Variants in CD163L1 observed in about 807,000 individuals in gnomAD.
The protein encoded by CD163L1 is CD163 molecule like 1.
A neutral mutation model predicts 165.4 loss-of-function variants in CD163L1; 124 were observed. The observed-to-expected ratio is 0.75, with a 90% CI of 0.65 to 0.87. The LOEUF (loss-of-function observed/expected upper bound fraction) is 0.87, where lower values mean the gene tolerates loss of function less well. Ranked by LOEUF, CD163L1 falls within the 40% of genes least tolerant of loss-of-function variation. The pLI is 0.00. For missense variants in CD163L1, 1,525 were observed against 1,799.9 expected (o/e 0.85, Z 2.76); for synonymous variants, 585 against 662.2 (o/e 0.88, Z 1.79).
chr12:7,341,729 T>C (rs763859461), downstream of CD163L1, among the ~76,000 whole-genome samples: 32 of 152,230 alleles, frequency 2.1e-4, no homozygotes, highest in African/African-American at 7.2e-4. Context: ...CCATTACTAT[T>C]TGTGAAAGTG....
downstream of CD163L1, among the ~76,000 whole-genome samples, chr12:7,352,141 T>C (rs551486763): frequency 3.3e-5 from 5 of 152,094 alleles, no homozygotes; most frequent in Non-Finnish European, 7.4e-5. Context: ...AAGTGAGAGA[T>C]GACAGAATGA....
rs760684055 is a variant in CD163L1 at position 7,382,483 on chromosome 12, A to G, written c.2051-3185T>C. ...CACAGAGAGAGAAAGAAGTGAAGCA[A>G]TTGTCTGGCTAGGATTGACTGGAAG... On this transcript the variant is annotated intron_variant, in intron 8 of 19. Transcript: ENST00000313599. 5.3e-5 allele frequency among the ~76,000 whole-genome samples: 8 copies of G among 152,266 alleles called. No individual in the cohort carries two copies. In the South Asian group the frequency reaches 1.2e-3, roughly 24 times the overall value.
chr12:7,323,890 T>C, the CD163L1 span, among the ~76,000 whole-genome samples: 1 of 152,138 alleles, frequency 6.6e-6, no homozygotes, highest in Non-Finnish European at 1.5e-5. Flanking sequence ...AAAAATTTAA[T>C]TTCCAGCCAG....
At chr12:7,435,406 G>T in intron 2 of CD163L1, among the ~76,000 whole-genome samples, 1 of 151,318 alleles carries the variant, frequency 6.6e-6, no homozygotes, top group South Asian at 2.1e-4. Context: ...AGCAAAATGG[G>T]CAAATGAGTT....
At chr12:7,414,053 A>C (rs1948189973) in intron 4 of CD163L1, among the ~76,000 whole-genome samples, 1 of 152,172 alleles carries the variant, frequency 6.6e-6, no homozygotes, top group South Asian at 2.1e-4. Context: ...GGCTTCAAAA[A>C]ACACAATGAA....
intron 2 of CD163L1, among the ~76,000 whole-genome samples, chr12:7,434,466 C>T (rs1321851402): frequency 6.6e-6 from 1 of 152,010 alleles, no homozygotes; most frequent in African/African-American, 2.4e-5. Context: ...TACTTGTAAG[C>T]CAAAATTTTG....
In CD163L1 at chr12:7,373,457, G is replaced by C. The variant is rs374489185; in HGVS notation, c.3593C>G (p.Ser1198Cys). The C allele has an allele frequency of 1.4e-4, 224 of 1,614,178 alleles. No homozygotes were observed. In the Middle Eastern group the frequency reaches 1.5e-3, roughly 11 times the overall value. ...ENGVVSLAPL[S>C]KTGSGFMWVD... is the part of the protein sequence containing the mutation. The stretch of plus-strand genomic sequence containing the variant: ...CCACATGAAACCAGAGCCTGTCTTA[G>C]ATAAAGGGGCGAGGCTGACAACTCC... Residue 1198 changes from serine to cysteine, a missense_variant, in exon 14 of 20, where the codon TCT becomes TGT. Transcript: ENST00000313599.
At chr12:7,383,240 G>A (rs1158222243) in intron 8 of CD163L1, among the ~76,000 whole-genome samples, 1 of 152,142 alleles carries the variant, frequency 6.6e-6, no homozygotes, top group Non-Finnish European at 1.5e-5. Context: ...TGCAACATCA[G>A]TAGCCTTGAG....
intron 4 of CD163L1, among the ~76,000 whole-genome samples, chr12:7,426,998 G>A (rs919824113): frequency 6.6e-6 from 1 of 152,064 alleles, no homozygotes; most frequent in African/African-American, 2.4e-5. Flanking sequence ...AATTCATCAA[G>A]AGGATATAAC....
At chr12:7,323,107 T>C in the CD163L1 span, 2 of 814,536 alleles carry the variant, frequency 2.5e-6, no homozygotes, top group South Asian at 3.7e-5. Flanking sequence ...TTTCAAATAA[T>C]ATATTTCAGA....
In CD163L1 at chr12:7,373,571, T is replaced by C. The variant is rs778259990; in HGVS notation, c.3479A>G (p.Tyr1160Cys). 6.8e-6 allele frequency: 11 copies of C among 1,614,188 alleles called. No individual in the cohort carries two copies. The highest frequency in any genetic ancestry group is 2.2e-5 in the East Asian group (1 of 44,892). Residue 1160 changes from tyrosine (Y) to cysteine (C), a missense_variant, in exon 14 of 20, where the codon TAT becomes TGT. Transcript: ENST00000313599. ...GCCGACGCTGCCCCAGGTCCCGTTA[T>C]AGAAGACTTCCAATCTCCCAGCACA... Reference protein sequence around the residue: ...ESCAGRLEVFYNGTWGSVGRR... With the variant: ...ESCAGRLEVFCNGTWGSVGRR...
chr12:7,320,654 T>G, the CD163L1 span: 1 of 1,268,398 alleles, frequency 7.9e-7, no homozygotes, highest in Non-Finnish European at 1.1e-6. Context: ...AATAACAGGG[T>G]GTAGATATCA....
At chr12:7,358,994 GA>G (rs35633181) in intron 18 of CD163L1, among the ~76,000 whole-genome samples, 11 of 149,426 alleles carry the variant, frequency 7.4e-5, no homozygotes, top group East Asian at 2.0e-4. Flanking sequence ...CACAGCTGAG[GA>G]AAAAAAAATC....
the CD163L1 span, among the ~76,000 whole-genome samples, chr12:7,329,273 T>A: frequency 6.7e-6 from 1 of 148,970 alleles, no homozygotes; most frequent in African/African-American, 2.4e-5. Flanking sequence ...TTTTATTTTT[T>A]ATTTTCTTTT....
Position 7,398,391 on chromosome 12 carries a change from T to C in CD163L1, c.1602A>G (p.Ala534=). 6.2e-7 allele frequency: 1 copy of C among 1,614,194 alleles called. No homozygotes were observed. The highest frequency in any genetic ancestry group is 8.5e-7 in the Non-Finnish European group (1 of 1,180,030). ...CGTCATCCAGCCAAATAGGTCCTGA[T>C]GCTTCTTTAAAATAGGTCATACCAA... ...HVFGMTYFKE[A]SGPIWLDDVS... The change falls in exon 7 of 20, where the codon GCA becomes GCG. Residue 534 remains alanine (A), a synonymous_variant. Transcript: ENST00000313599. This position sits in a 1 kb window ranked among gnomAD's most constrained non-coding sequence, Gnocchi z 4.5.
In CD163L1 at chr12:7,367,222, G is replaced by A. The variant is rs373648313; in HGVS notation, c.4279+14C>T. On this transcript the variant is annotated intron_variant, in intron 18 of 19. Coordinates refer to ENST00000313599, the MANE Select transcript of CD163L1 (RefSeq NM_174941.6). The stretch of plus-strand genomic sequence containing the variant: ...ACCCTCTCCATGGAGTGCGGCCCCT[G>A]GAGTTGCACAGACCTGAGGTTCTTG... The A allele has an allele frequency of 1.1e-4, 169 of 1,558,224 alleles. No homozygotes were observed. The African/African-American group carries it at 2.0e-3, about 18-fold the overall frequency.
intron 4 of CD163L1, among the ~76,000 whole-genome samples, chr12:7,420,661 C>T (rs1948330960): frequency 6.6e-6 from 1 of 151,918 alleles, no homozygotes; most frequent in Admixed American, 6.6e-5. Flanking sequence ...AATGCAATAC[C>T]ATCTTACTCC....
chr12:7,323,609 A>G, the CD163L1 span: 1 of 1,514,310 alleles, frequency 6.6e-7, no homozygotes, highest in Non-Finnish European at 9.1e-7. Flanking sequence ...CTTGGGTTCA[A>G]ATTTCATTTC....
chr12:7,433,630 C>T lies in CD163L1; in HGVS notation c.189G>A (p.Val63=). 1.2e-6 allele frequency: 2 copies of T among 1,614,128 alleles called. No homozygotes were observed. Among genetic ancestry groups the T allele is most frequent in the East Asian group, 2.2e-5 (1 of 44,888 alleles). ...CAGTCCCCCACTGTCCCTGGAATTT[C>T]ACCTCCACTGTCCCAGAGCAGGGAC... ...GDGPCSGTVE[V]KFQGQWGTVC... The change falls in exon 3 of 20, where the codon GTG becomes GTA. Residue 63 remains valine (V), a synonymous_variant. Transcript: ENST00000313599.
Sources: gnomAD v4.1 joint callset for allele counts (sites outside exome capture counted in the v4.1 genomes callset) on GRCh38, gnomAD v4.1.1 for gene constraint, Gnocchi (gnomAD v3.1) non-coding constraint, MANE v1.5 for transcripts, NCBI Gene and HGNC (gene_info 2026-07-23, HGNC 2026-07-21) for gene names.